GUCY1A1: variants seen among roughly 807,000 people sequenced by gnomAD.
The protein encoded by GUCY1A1 is guanylate cyclase soluble subunit alpha-1.
A neutral mutation model predicts 64.5 loss-of-function variants in GUCY1A1; 48 were observed. The observed-to-expected ratio is 0.74, with a 90% CI of 0.59 to 0.95. The LOEUF is 0.95. Among genes scored for constraint, GUCY1A1 ranks in the 40% least tolerant of loss-of-function variants. The pLI is 0.00. For missense variants in GUCY1A1, 804 were observed against 825.3 expected, an observed-to-expected ratio of 0.97 and a Z score of 0.32; for synonymous variants, 308 against 303.4, an observed-to-expected ratio of 1.02 and a Z score of -0.16.
At chr4:155,727,441 TTA>T (rs1734859826) in intron 9 of GUCY1A1, among the ~76,000 whole-genome samples, 3 of 151,866 alleles carry the variant, frequency 2.0e-5, no homozygotes, top group Non-Finnish European at 4.4e-5. Context: ...AGCAATGCCC[TTA>T]ATAAATTCAA....
Position 155,703,188 on chromosome 4 carries a change from G to A in GUCY1A1, c.256-744G>A, listed in dbSNP as rs530380402. The stretch of plus-strand genomic sequence containing the variant: ...TAAGTATAAAAGCTTACATACAAAT[G>A]TCTTGCAAAATAAGGAAACTCATGA... On this transcript the variant is annotated intron_variant, in intron 3 of 9. Coordinates refer to ENST00000506455, the MANE Select transcript of GUCY1A1 (RefSeq NM_001130682.3). Among the ~76,000 whole-genome samples, 12 of 152,170 alleles carry A rather than the reference G, an allele frequency of 7.9e-5. No homozygotes were observed. In the South Asian group the frequency reaches 2.5e-3, roughly 32 times the overall value.
intron 8 of GUCY1A1, among the ~76,000 whole-genome samples, chr4:155,718,255 A>G (rs1356880878): frequency 2.6e-5 from 4 of 152,186 alleles, no homozygotes; most frequent in Admixed American, 6.5e-5. Flanking sequence ...TAAAACATAT[A>G]GAGAAGAAAG....
At chr4:155,724,041 C>G (rs1179192877) in intron 9 of GUCY1A1, among the ~76,000 whole-genome samples, 1 of 152,066 alleles carries the variant, frequency 6.6e-6, no homozygotes, top group African/African-American at 2.4e-5. Flanking sequence ...TATTTCACCA[C>G]CAGAATAGAA....
chr4:155,695,603 G>T (rs1730309946), intron 2 of GUCY1A1, among the ~76,000 whole-genome samples: 1 of 152,174 alleles, frequency 6.6e-6, no homozygotes, highest in African/African-American at 2.4e-5. Flanking sequence ...AGCTGAATCT[G>T]CATTTGAACC....
intron 8 of GUCY1A1, 87 bp downstream of exon 8, chr4:155,717,389 G>A: frequency 2.0e-6 from 2 of 984,220 alleles, no homozygotes; most frequent in East Asian, 3.0e-5. Context: ...TCAGTTGGGG[G>A]TTAGTTGAGA....
At chr4:155,722,452 A>G in intron 9 of GUCY1A1, 3 of 1,278,108 alleles carry the variant, frequency 2.3e-6, no homozygotes, top group South Asian at 3.7e-5. Context: ...TTCTTCTTTT[A>G]GAAGCACATA....
At chr4:155,672,942 T>A (rs1180472979) in intron 2 of GUCY1A1, among the ~76,000 whole-genome samples, 1 of 152,228 alleles carries the variant, frequency 6.6e-6, no homozygotes, top group Non-Finnish European at 1.5e-5. Flanking sequence ...ACCTTTGTTA[T>A]TTTTAGTTTT....
chr4:155,720,637 T>C (rs954054759), intron 8 of GUCY1A1, among the ~76,000 whole-genome samples: 15 of 152,106 alleles, frequency 9.9e-5, no homozygotes, highest in Non-Finnish European at 1.5e-4. Context: ...TTTGAAAATT[T>C]TGTAGAACTC....
At chr4:155,702,373 T>C (rs1417834505) in intron 3 of GUCY1A1, among the ~76,000 whole-genome samples, 2 of 152,224 alleles carry the variant, frequency 1.3e-5, no homozygotes, top group African/African-American at 4.8e-5. Context: ...ACCAAGTAGA[T>C]GGTTCTTGAA....
Position 155,730,229 on chromosome 4 carries a change from TA to T in GUCY1A1, c.2072del (p.Ter691CysfsTer8). ...NFLGKASGID[*>X] Reference sequence around the variant, plus strand: ...TTTAGGCAAAGCATCAGGAATAGATTAGCAACCTATATACCTATTTATAAGT... The same window carrying T: ...TTTAGGCAAAGCATCAGGAATAGATTGCAACCTATATACCTATTTATAAGT... On this transcript the variant is annotated frameshift_variant and stop_lost, in exon 10 of 10. Coordinates refer to ENST00000506455, the MANE Select transcript of GUCY1A1 (RefSeq NM_001130682.3). LOFTEE classifies it high-confidence loss of function. 6.3e-7 allele frequency: 1 copy of T among 1,580,308 alleles called. No homozygotes were observed. Among genetic ancestry groups the T allele is most frequent in the Non-Finnish European group, 8.7e-7 (1 of 1,149,968 alleles).
intron 2 of GUCY1A1, among the ~76,000 whole-genome samples, chr4:155,692,988 G>A (rs935926743): frequency 1.3e-5 from 2 of 152,110 alleles, no homozygotes; most frequent in Admixed American, 6.5e-5. Flanking sequence ...GAGCCCAGGA[G>A]GCGGAGGTTT....
chr4:155,667,984 A>G (rs1733591588), intron 2 of GUCY1A1: 1 of 152,296 alleles, frequency 6.6e-6, no homozygotes, highest in Non-Finnish European at 1.5e-5. Flanking sequence ...TGGGCTGCCC[A>G]GAGAAGGCAG....
intron 3 of GUCY1A1, among the ~76,000 whole-genome samples, chr4:155,698,356 T>G (rs1730677550): frequency 6.6e-6 from 1 of 152,190 alleles, no homozygotes; most frequent in Non-Finnish European, 1.5e-5. Context: ...TACCACACTC[T>G]AGTTGCTAGA....
At chr4:155,700,119 G>A (rs1236716472) in intron 3 of GUCY1A1, among the ~76,000 whole-genome samples, 3 of 151,990 alleles carry the variant, frequency 2.0e-5, no homozygotes, top group African/African-American at 7.3e-5. Flanking sequence ...TTTTTCATGG[G>A]TATTGTTTCC....
At chr4:155,699,689 T>C (rs539909120) in intron 3 of GUCY1A1, among the ~76,000 whole-genome samples, 2 of 152,286 alleles carry the variant, frequency 1.3e-5, no homozygotes, top group African/African-American at 4.8e-5. Flanking sequence ...TAAATACTTG[T>C]TATGTTTTTT....
chr4:155,698,903 T>A (rs1730744154), intron 3 of GUCY1A1, among the ~76,000 whole-genome samples: 1 of 152,144 alleles, frequency 6.6e-6, no homozygotes, highest in African/African-American at 2.4e-5. Context: ...TTGGCTCTAT[T>A]TTTGTGGTTA....
At chr4:155,693,996 G>A (rs892869355) in intron 2 of GUCY1A1, among the ~76,000 whole-genome samples, 4 of 152,062 alleles carry the variant, frequency 2.6e-5, no homozygotes, top group Non-Finnish European at 4.4e-5. Context: ...AGAATAATTC[G>A]TTTTAGTAAT....
chr4:155,682,065 C>T (rs771551033), intron 2 of GUCY1A1, among the ~76,000 whole-genome samples: 2 of 152,158 alleles, frequency 1.3e-5, no homozygotes, highest in Non-Finnish European at 2.9e-5. Context: ...GTTGCCACAT[C>T]ATGCCAACTT....
At chr4:155,694,883 C>T (rs1327609495) in intron 2 of GUCY1A1, among the ~76,000 whole-genome samples, 2 of 152,102 alleles carry the variant, frequency 1.3e-5, no homozygotes, top group Non-Finnish European at 2.9e-5. Context: ...TACATTAAGT[C>T]CCAAAACAAA....
Sources: allele counts gnomAD v4.1 joint callset (sites outside exome capture counted in the v4.1 genomes callset), GRCh38; gene constraint gnomAD v4.1.1; transcripts MANE v1.5; gene names NCBI Gene and HGNC (gene_info 2026-07-23, HGNC 2026-07-21).